CNTNAP2: variants seen among roughly 807,000 people sequenced by gnomAD.
The protein encoded by CNTNAP2 is contactin-associated protein-like 2.
In CNTNAP2, 98 loss-of-function variants were observed where a neutral mutation model predicts 155.2. The observed-to-expected ratio is 0.63, with a 90% CI of 0.54 to 0.75. The LOEUF is 0.75. Ranked by LOEUF, CNTNAP2 falls within the 30% of genes least tolerant of loss-of-function variation. CNTNAP2 has a pLI of 0.00. For synonymous variants in CNTNAP2, 651 were observed against 631.2 expected (o/e 1.03, Z -0.47); for missense variants, 1,727 against 1,688.1 (o/e 1.02, Z -0.40).
At chr7:147,915,832 G>A (rs1267993126) in intron 14 of CNTNAP2, among the ~76,000 whole-genome samples, 1 of 152,044 alleles carries the variant, frequency 6.6e-6, no homozygotes, top group Non-Finnish European at 1.5e-5. Context: ...TTCAGTATTA[G>A]AGCATGGCCA....
intron 1 of CNTNAP2, among the ~76,000 whole-genome samples, chr7:146,643,274 A>G (rs888252424): frequency 6.6e-6 from 1 of 151,176 alleles, no homozygotes; most frequent in African/African-American, 2.4e-5. Context: ...GTTTTCTTCT[A>G]GGGTTTTTAT....
At chr7:148,130,178 A>G (rs562877757) in intron 16 of CNTNAP2, among the ~76,000 whole-genome samples, 2 of 152,356 alleles carry the variant, frequency 1.3e-5, no homozygotes, top group Admixed American at 1.3e-4. Flanking sequence ...AGAAAACTCA[A>G]TGTCCTATTT....
chr7:146,734,624 A>G (rs1801580982), intron 1 of CNTNAP2, among the ~76,000 whole-genome samples: 2 of 152,202 alleles, frequency 1.3e-5, no homozygotes, highest in Admixed American at 6.5e-5. Flanking sequence ...GGTATGGTCT[A>G]AAGGTAAGAG....
rs557300753 is a variant in CNTNAP2 at position 147,118,442 on chromosome 7, T to C, written c.755-2537T>C. Among the ~76,000 whole-genome samples the C allele has an allele frequency of 3.9e-5, 6 of 152,308 alleles. No homozygotes were observed. The East Asian group carries it at 1.2e-3, about 29-fold the overall frequency. The stretch of plus-strand genomic sequence containing the variant: ...TTTAAAATGTGCTAACTTTTAATTG[T>C]ATGGGGAAATATATAATATTAAGTA... On this transcript the variant is annotated intron_variant, in intron 5 of 23. Coordinates refer to ENST00000361727, the MANE Select transcript of CNTNAP2 (RefSeq NM_014141.6).
intron 11 of CNTNAP2, among the ~76,000 whole-genome samples, chr7:147,546,129 C>T (rs1004153234): frequency 2.0e-5 from 3 of 152,152 alleles, no homozygotes; most frequent in African/African-American, 4.8e-5. Context: ...AATCAAATCA[C>T]ATTTGCTAAT....
intron 1 of CNTNAP2, among the ~76,000 whole-genome samples, chr7:146,693,157 GAT>G (rs1050140689): frequency 2.0e-5 from 3 of 152,064 alleles, no homozygotes; most frequent in Non-Finnish European, 4.4e-5. Flanking sequence ...TAGTAACAAA[GAT>G]AGCATTGTGC....
intron 1 of CNTNAP2, among the ~76,000 whole-genome samples, chr7:146,753,824 T>C (rs760391598): frequency 8.6e-5 from 13 of 152,032 alleles, no homozygotes; most frequent in South Asian, 4.1e-4. Flanking sequence ...TTCTCTGTAA[T>C]ACTGAGAGGT....
chr7:147,199,388 A>T (rs1802876757), intron 8 of CNTNAP2, among the ~76,000 whole-genome samples: 1 of 152,230 alleles, frequency 6.6e-6, no homozygotes. Context: ...ATGAAAATAA[A>T]TTCAACTTAA....
chr7:146,960,966 T>C (rs768994973), intron 3 of CNTNAP2, among the ~76,000 whole-genome samples: 11 of 152,162 alleles, frequency 7.2e-5, no homozygotes, highest in Non-Finnish European at 5.9e-5. Context: ...TTGAATTCTT[T>C]CTCCTTTTCT....
intron 3 of CNTNAP2, among the ~76,000 whole-genome samples, chr7:146,918,642 T>A (rs1796441326): frequency 6.6e-6 from 1 of 152,226 alleles, no homozygotes; most frequent in South Asian, 2.1e-4. Context: ...TTAGATAACC[T>A]GATGACAATG....
intron 17 of CNTNAP2, among the ~76,000 whole-genome samples, chr7:148,155,482 T>C (rs887271067): frequency 1.3e-5 from 2 of 152,136 alleles, no homozygotes; most frequent in African/African-American, 2.4e-5. Context: ...GGAGGGATCA[T>C]AGGGTGTCTG....
intron 2 of CNTNAP2, among the ~76,000 whole-genome samples, chr7:146,780,835 C>G (rs1398942085): frequency 6.6e-6 from 1 of 152,022 alleles, no homozygotes; most frequent in Non-Finnish European, 1.5e-5. Flanking sequence ...AACACATGGA[C>G]ACAGGGACGG....
chr7:148,210,969 C>T (rs923177910), intron 18 of CNTNAP2, among the ~76,000 whole-genome samples: 1 of 152,212 alleles, frequency 6.6e-6, no homozygotes, highest in Non-Finnish European at 1.5e-5. Context: ...AATAACAAAA[C>T]AAGTTTAAGC....
At chr7:147,668,256 C>T (rs1001461273) in intron 13 of CNTNAP2, among the ~76,000 whole-genome samples, 4 of 152,168 alleles carry the variant, frequency 2.6e-5, no homozygotes, top group Admixed American at 6.5e-5. Context: ...AGTTTAAAAA[C>T]GTGGACCCCA....
At chr7:148,411,005 C>T (rs1799822199) in intron 23 of CNTNAP2, among the ~76,000 whole-genome samples, 1 of 152,054 alleles carries the variant, frequency 6.6e-6, no homozygotes. Context: ...TAAATTTGCA[C>T]AATGAAAATA....
At chr7:147,511,806 C>T (rs965517591) in intron 11 of CNTNAP2, among the ~76,000 whole-genome samples, 19 of 152,042 alleles carry the variant, frequency 1.2e-4, no homozygotes, top group Admixed American at 1.1e-3. Context: ...TTCTTATGTC[C>T]ATTCTGGGCT....
intron 15 of CNTNAP2, among the ~76,000 whole-genome samples, chr7:148,117,420 C>T (rs2116607084): frequency 6.6e-6 from 1 of 152,298 alleles, no homozygotes; most frequent in East Asian, 1.9e-4. Context: ...GTCACTTCTG[C>T]CTCGTTCCCG....
intron 1 of CNTNAP2, among the ~76,000 whole-genome samples, chr7:146,670,690 C>T (rs948881674): frequency 1.3e-5 from 2 of 152,124 alleles, no homozygotes; most frequent in African/African-American, 4.8e-5. Flanking sequence ...GATCCCATCA[C>T]TCTCAATTAC....
chr7:146,151,683 T>C (rs1444178681), intron 1 of CNTNAP2, among the ~76,000 whole-genome samples: 2 of 14,210 alleles, frequency 1.4e-4, no homozygotes, highest in Admixed American at 6.9e-4. Flanking sequence ...TATATATATG[T>C]ATATATATAT....
Sources: gnomAD v4.1 joint callset for allele counts (sites outside exome capture counted in the v4.1 genomes callset) on GRCh38, gnomAD v4.1.1 for gene constraint, MANE v1.5 for transcripts, NCBI Gene and HGNC (gene_info 2026-07-23, HGNC 2026-07-21) for gene names.